Variants in UFSP2 observed in about 807,000 individuals in gnomAD.
UFSP2 encodes ufm1-specific protease 2.
A neutral mutation model predicts 60.2 loss-of-function variants in UFSP2; 43 were observed. That is an observed-to-expected ratio of 0.71 (90% CI 0.56 to 0.92). The LOEUF (loss-of-function observed/expected upper bound fraction) is 0.92. UFSP2 is among the 40% of genes least tolerant of loss of function. The pLI, the probability that UFSP2 is intolerant of heterozygous loss-of-function variation, is 0.00. For synonymous variants in UFSP2, 183 were observed against 195.1 expected (o/e 0.94, Z 0.52); for missense variants, 520 against 575.0 (o/e 0.90, Z 0.98).
chr4:185,424,667 T>C (rs1315279092), intron 1 of UFSP2, among the ~76,000 whole-genome samples: 1 of 152,182 alleles, frequency 6.6e-6, no homozygotes, highest in Non-Finnish European at 1.5e-5. Flanking sequence ...AAATAAAGAA[T>C]ACTACCAAAC....
chr4:185,422,337 C>CT lies in UFSP2; in HGVS notation c.82+147dup, dbSNP rs2095550883. 4 of 643,736 alleles carry CT rather than the reference C, an allele frequency of 6.2e-6. No individual in the cohort carries two copies. The East Asian group carries it at 1.2e-4, about 19-fold the overall frequency. The allele number at this position is 643,736 out of a possible 1,614,324, so 39.9% of individuals were successfully genotyped here. On this transcript the variant is annotated intron_variant, in intron 2 of 11. Coordinates refer to ENST00000264689, the MANE Select transcript of UFSP2 (RefSeq NM_018359.5). ...TGGTGGGTGTGCTGGAACACAGTGT[C>CT]TAAGTGTAAGTCCCATTTAATGTAC...
intron 5 of UFSP2, 40 bp from the exon 6 acceptor site, chr4:185,415,387 A>G: frequency 6.8e-7 from 1 of 1,474,882 alleles, no homozygotes; most frequent in Non-Finnish European, 9.1e-7. Flanking sequence ...CAAAAGTTAT[A>G]GTGACTACAA....
chr4:185,408,445 G>A lies in UFSP2; in HGVS notation c.832-10C>T. ...CCTGGACCACATAAATCTATATACA[G>A]AGAAGAAACACAGTAAAATATTAAC... On this transcript the variant is annotated splice_polypyrimidine_tract_variant and intron_variant, in intron 7 of 11. Transcript: ENST00000264689. 1 of 1,610,650 alleles carries A rather than the reference G, an allele frequency of 6.2e-7. No homozygotes were observed. Among genetic ancestry groups the A allele is most frequent in the Non-Finnish European group, 8.5e-7 (1 of 1,177,888 alleles).
rs1314160957 is a variant in UFSP2, at chr4:185,399,781, A to C, written c.*611T>G. ...TGGGAAAAGGAAGTGCTGGTAAGTA[A>C]CTCAGAGCTGCTGCTTTTTTCCTCC... On this transcript the variant is annotated 3_prime_UTR_variant, in exon 12 of 12. Coordinates refer to ENST00000264689, the MANE Select transcript of UFSP2 (RefSeq NM_018359.5). 1.2e-6 allele frequency: 2 copies of C among 1,613,694 alleles called. No individual in the cohort carries two copies. The highest frequency in any genetic ancestry group is 1.7e-6 in the Non-Finnish European group (2 of 1,179,766).
intron 10 of UFSP2, among the ~76,000 whole-genome samples, chr4:185,403,966 C>CAAAAAAAAAAAA (rs779330516): frequency 2.3e-5 from 2 of 85,108 alleles, no homozygotes; most frequent in African/African-American, 4.2e-5. Flanking sequence ...GCAAGACTCT[C>CAAAAAAAAAAAA]AAAAAAAAAA....
intron 2 of UFSP2, among the ~76,000 whole-genome samples, chr4:185,421,163 A>G (rs2095548699): frequency 6.6e-6 from 1 of 152,216 alleles, no homozygotes; most frequent in South Asian, 2.1e-4. Flanking sequence ...ATGTAGTTTA[A>G]TGTAGTCTGG....
chr4:185,407,855 T>C, intron 9 of UFSP2, 81 bp downstream of exon 9: 1 of 1,420,956 alleles, frequency 7.0e-7, no homozygotes, highest in Non-Finnish European at 9.5e-7. Context: ...TAAGGGAAGA[T>C]ACCATTTTTT....
At chr4:185,409,814 G>A (rs1461838582) in intron 7 of UFSP2, among the ~76,000 whole-genome samples, 2 of 152,288 alleles carry the variant, frequency 1.3e-5, no homozygotes, top group Non-Finnish European at 2.9e-5. Context: ...ATTCTTAAAA[G>A]AGAGGGGCAT....
At chr4:185,401,097 T>G (rs1430266127) in intron 11 of UFSP2, among the ~76,000 whole-genome samples, 1 of 152,102 alleles carries the variant, frequency 6.6e-6, no homozygotes, top group Non-Finnish European at 1.5e-5. Context: ...GAAGAAAACT[T>G]AAAAGCCAAT....
intron 6 of UFSP2, 41 bp downstream of exon 6, chr4:185,415,114 G>T: frequency 6.9e-7 from 1 of 1,441,158 alleles, no homozygotes; most frequent in Non-Finnish European, 9.4e-7. Flanking sequence ...ATGAATGATA[G>T]TCATTATTGT....
chr4:185,413,305 T>C (rs1478259148), intron 7 of UFSP2, among the ~76,000 whole-genome samples: 2 of 152,146 alleles, frequency 1.3e-5, no homozygotes, highest in Non-Finnish European at 2.9e-5. Context: ...GGAGAATTGC[T>C]TGAACCCAGG....
chr4:185,416,452 G>GT (rs1373085211), intron 4 of UFSP2, among the ~76,000 whole-genome samples: 1 of 152,144 alleles, frequency 6.6e-6, no homozygotes, highest in Non-Finnish European at 1.5e-5. Context: ...TTTTACAGGG[G>GT]TATGAACAAT....
chr4:185,419,359 T>A (rs2095545354), intron 2 of UFSP2, among the ~76,000 whole-genome samples: 1 of 152,208 alleles, frequency 6.6e-6, no homozygotes, highest in Non-Finnish European at 1.5e-5. Flanking sequence ...CTCGATCTCC[T>A]GACCTCGTGA....
intron 7 of UFSP2, 86 bp downstream of exon 7, chr4:185,413,640 A>C: frequency 7.9e-7 from 1 of 1,262,258 alleles, no homozygotes; most frequent in Non-Finnish European, 1.1e-6. Context: ...ATACATAATG[A>C]ATCAAGTCTC....
intron 1 of UFSP2, among the ~76,000 whole-genome samples, chr4:185,424,842 C>T (rs927460997): frequency 6.6e-6 from 1 of 152,212 alleles, no homozygotes; most frequent in African/African-American, 2.4e-5. Context: ...AAATACACAA[C>T]TTCCCAGGGT....
At chr4:185,412,329 T>A (rs1545299) in intron 7 of UFSP2, among the ~76,000 whole-genome samples, 91,367 of 152,026 alleles carry the variant, frequency 0.6, 30,577 homozygotes, top group East Asian at 0.83. Flanking sequence ...TGGAAGCTGG[T>A]TGGCCCACAG....
chr4:185,415,947 A>G, intron 4 of UFSP2, 80 bp from the exon 5 acceptor site: 2 of 1,237,208 alleles, frequency 1.6e-6, no homozygotes, highest in Non-Finnish European at 2.2e-6. Context: ...ACTTTTCAAA[A>G]ATGTATTTAT....
intron 9 of UFSP2, among the ~76,000 whole-genome samples, chr4:185,406,856 G>A (rs901047476): frequency 1.3e-5 from 2 of 151,970 alleles, no homozygotes; most frequent in Non-Finnish European, 2.9e-5. Context: ...GATTACAGGC[G>A]TGAGCCACTG....
intron 1 of UFSP2, among the ~76,000 whole-genome samples, chr4:185,424,243 C>T (rs1406297466): frequency 6.6e-6 from 1 of 151,988 alleles, no homozygotes; most frequent in Non-Finnish European, 1.5e-5. Context: ...GAGGTCAATG[C>T]TACAGTGAGC....
Sources: allele counts gnomAD v4.1 joint callset (sites outside exome capture counted in the v4.1 genomes callset), GRCh38; gene constraint gnomAD v4.1.1; transcripts MANE v1.5; gene names NCBI Gene and HGNC (gene_info 2026-07-23, HGNC 2026-07-21).